TBC1D1: variants seen among roughly 807,000 people sequenced by gnomAD.
The protein encoded by TBC1D1 is TBC1 (tre-2/USP6, BUB2, cdc16) domain family, member 1.
A neutral mutation model predicts 125.6 loss-of-function variants in TBC1D1; 89 were observed. The observed-to-expected ratio is 0.71, with a 90% CI of 0.60 to 0.85. The LOEUF is 0.85. TBC1D1 is among the 40% of genes least tolerant of loss of function. The probability of loss-of-function intolerance (pLI) is 0.00; values close to 1 mark genes in which losing one functional copy is unlikely to be tolerated. For missense variants in TBC1D1, 1,377 were observed against 1,469.2 expected, an observed-to-expected ratio of 0.94 and a Z score of 1.03; for synonymous variants, 565 against 564.1, an observed-to-expected ratio of 1.00 and a Z score of -0.02.
chr4:37,975,436 C>T lies in TBC1D1; in HGVS notation c.418-39073C>T, dbSNP rs530253542. Reference sequence around the variant, plus strand: ...AGATGGTTAGGCCTCTGGATAACTGCGGGCAGGCCTGACATCAGTCAGGCC... The same window carrying T: ...AGATGGTTAGGCCTCTGGATAACTGTGGGCAGGCCTGACATCAGTCAGGCC... On this transcript the variant is annotated intron_variant, in intron 2 of 19. Transcript: ENST00000261439. 2.9e-4 allele frequency among the ~76,000 whole-genome samples: 44 copies of T among 152,276 alleles called. 1 individual carries two copies. The highest frequency in any genetic ancestry group is 8.9e-4 in the African/African-American group (37 of 41,554).
At chr4:38,070,029 A>G (rs1375472331) in intron 12 of TBC1D1, among the ~76,000 whole-genome samples, 1 of 152,158 alleles carries the variant, frequency 6.6e-6, no homozygotes, top group Admixed American at 6.5e-5. Context: ...GCAGGGTCAG[A>G]GCTGGAGGGG....
intron 15 of TBC1D1, among the ~76,000 whole-genome samples, chr4:38,108,930 G>A (rs767086136): frequency 1.2e-4 from 18 of 152,138 alleles, no homozygotes; most frequent in Non-Finnish European, 2.4e-4. Flanking sequence ...AGAGGGGAGC[G>A]CTTCCCCTTC....
At position 38,103,136 on chromosome 4, in the gene TBC1D1, C is replaced by T. The variant is rs1760671208; in HGVS notation, c.2536C>T (p.His846Tyr). 6.2e-7 allele frequency: 1 copy of T among 1,611,790 alleles called. No individual in the cohort carries two copies. The highest frequency in any genetic ancestry group is 8.5e-7 in the Non-Finnish European group (1 of 1,179,326). ...CTTAAAGCAGCTGACTTCCCAGCAG[C>T]ATGCGATTCTTATTGACCTTGGTAA... Residue 846 changes from histidine (H) to tyrosine (Y), a missense_variant, in exon 15 of 20, where the codon CAT (histidine) becomes TAT (tyrosine). Physicochemically the swap from His to Tyr is moderately conservative, Grantham distance 83 (BLOSUM62 2). Coordinates refer to ENST00000261439, the MANE Select transcript of TBC1D1 (RefSeq NM_015173.4).
chr4:37,915,455 A>G (rs1479072166), intron 2 of TBC1D1, among the ~76,000 whole-genome samples: 1 of 152,182 alleles, frequency 6.6e-6, no homozygotes, highest in Non-Finnish European at 1.5e-5. Context: ...GGGAGAACCA[A>G]GGGAAGGGGA....
intron 2 of TBC1D1, among the ~76,000 whole-genome samples, chr4:37,955,067 C>T (rs1180756884): frequency 1.3e-5 from 2 of 151,770 alleles, no homozygotes; most frequent in African/African-American, 2.4e-5. Context: ...TGTCATGTAC[C>T]GATTTCTGTC....
intron 2 of TBC1D1, among the ~76,000 whole-genome samples, chr4:37,957,783 T>C (rs1190284024): frequency 1.3e-5 from 2 of 152,196 alleles, no homozygotes; most frequent in Non-Finnish European, 2.9e-5. Flanking sequence ...TTTTAAAAGG[T>C]CAATTCTGAC....
At chr4:38,088,143 G>T (rs12513292) in intron 12 of TBC1D1, among the ~76,000 whole-genome samples, 2,436 of 152,064 alleles carry the variant, frequency 0.016, 31 homozygotes, top group Middle Eastern at 0.044. Context: ...CAAGAGCCAA[G>T]ATGGTAAAAG....
At chr4:37,933,924 G>A (rs1386661659) in intron 2 of TBC1D1, among the ~76,000 whole-genome samples, 2 of 152,204 alleles carry the variant, frequency 1.3e-5, no homozygotes, top group African/African-American at 4.8e-5. Context: ...AATCGATTGT[G>A]AAAGGAGAGA....
chr4:37,998,654 C>T (rs1297922348), intron 2 of TBC1D1, among the ~76,000 whole-genome samples: 1 of 152,180 alleles, frequency 6.6e-6, no homozygotes, highest in Non-Finnish European at 1.5e-5. Flanking sequence ...TGTCCCCACT[C>T]TTCAGCCCAG....
intron 2 of TBC1D1, among the ~76,000 whole-genome samples, chr4:37,981,971 C>G (rs903354081): frequency 1.3e-5 from 2 of 152,062 alleles, no homozygotes; most frequent in Admixed American, 6.6e-5. Context: ...ATGATGTGAC[C>G]CAGTGGCTTT....
At chr4:37,951,015 C>T (rs892501547) in intron 2 of TBC1D1, among the ~76,000 whole-genome samples, 3 of 152,268 alleles carry the variant, frequency 2.0e-5, no homozygotes, top group African/African-American at 4.8e-5. Context: ...CCACCCTCCT[C>T]GGCCTCCCAC....
intron 2 of TBC1D1, among the ~76,000 whole-genome samples, chr4:37,996,593 C>G (rs561767513): frequency 1.3e-5 from 2 of 152,348 alleles, no homozygotes; most frequent in Admixed American, 6.5e-5. Context: ...ATAAGTTTTA[C>G]TCAAGAATGC....
intron 17 of TBC1D1, among the ~76,000 whole-genome samples, chr4:38,119,072 A>G (rs924948613): frequency 7.9e-5 from 12 of 152,192 alleles, no homozygotes; most frequent in African/African-American, 2.9e-4. Flanking sequence ...GGAGGAGGCT[A>G]CTAAAAAAAT....
chr4:38,051,175 C>A (rs915188590), intron 11 of TBC1D1, among the ~76,000 whole-genome samples: 6 of 152,138 alleles, frequency 3.9e-5, no homozygotes, highest in African/African-American at 1.4e-4. Flanking sequence ...GACTTAGTAT[C>A]AGTACTTTTC....
intron 12 of TBC1D1, among the ~76,000 whole-genome samples, chr4:38,083,986 A>G (rs1578614097): frequency 7.0e-6 from 1 of 141,994 alleles, no homozygotes. Context: ...CGCCCAGGCT[A>G]GAGTGCAGTG....
chr4:38,117,897 T>C (rs1763232845), intron 16 of TBC1D1, 136 bp from the exon 19 acceptor site: 2 of 800,808 alleles, frequency 2.5e-6, no homozygotes, highest in African/African-American at 3.4e-5. Context: ...GTAGCTGAGC[T>C]CAGTGGATCG....
At chr4:38,136,521 G>A (rs779585181) in intron 19 of TBC1D1, among the ~76,000 whole-genome samples, 9 of 152,168 alleles carry the variant, frequency 5.9e-5, no homozygotes, top group African/African-American at 9.7e-5. Context: ...TGGCGTGGAC[G>A]TGAATAAATG....
chr4:38,043,129 C>T (rs911584274), intron 8 of TBC1D1, among the ~76,000 whole-genome samples: 3 of 151,724 alleles, frequency 2.0e-5, no homozygotes, highest in Non-Finnish European at 4.4e-5. Context: ...CTCAAACTCC[C>T]GACCTCAGGT....
At chr4:38,108,767 A>T (rs1278272907) in intron 15 of TBC1D1, among the ~76,000 whole-genome samples, 1 of 152,268 alleles carries the variant, frequency 6.6e-6, no homozygotes, top group Non-Finnish European at 1.5e-5. Flanking sequence ...AATCCATAAA[A>T]GGTAAGAAGT....
Sources: allele counts gnomAD v4.1 joint callset (sites outside exome capture counted in the v4.1 genomes callset), GRCh38; gene constraint gnomAD v4.1.1; transcripts MANE v1.5; gene names NCBI Gene and HGNC (gene_info 2026-07-23, HGNC 2026-07-21).